CRLF2: variants seen among roughly 807,000 people sequenced by gnomAD.
CRLF2 encodes cytokine receptor-like factor 2.
Under a neutral mutation model 38.7 loss-of-function variants are expected in CRLF2, and 41 were observed. The ratio of observed to expected loss-of-function variants is 1.06; its 90% CI spans 0.83 to 1.37. The LOEUF (loss-of-function observed/expected upper bound fraction) is 1.37. Among genes scored for constraint, CRLF2 ranks in the 40% most tolerant of loss-of-function variants. CRLF2 has a pLI of 0.00. For missense variants in CRLF2, 377 were observed against 322.2 expected (o/e 1.17, Z -1.30); for synonymous variants, 140 against 128.8 (o/e 1.09, Z -0.59).
Position 1,202,457 on chromosome X carries a change from T to C in CRLF2, c.428A>G (p.Tyr143Cys). The change falls in exon 4 of 8, where the codon TAC (tyrosine) becomes TGC (cysteine). Residue 143 changes from tyrosine to cysteine, a missense_variant. Tyr to Cys is a radical substitution (Grantham distance 194). Coordinates refer to ENST00000400841, the MANE Select transcript of CRLF2 (RefSeq NM_022148.4). ...AVTVTCSDLS[Y>C]GDLLYEVQYR... ...CTGAACCTCATAGAGGAGATCCCCG[T>C]AGGACAGGTCAGAACACGTCACCGT... 6.2e-7 allele frequency: 1 copy of C among 1,613,662 alleles called. No homozygotes were observed. Among genetic ancestry groups the C allele is most frequent in the Non-Finnish European group, 8.5e-7 (1 of 1,179,660 alleles).
chrX:1,192,834 G>C (rs1377243017), intron 7 of CRLF2, among the ~76,000 whole-genome samples: 1 of 113,612 alleles, frequency 8.8e-6, no homozygotes, highest in African/African-American at 3.4e-5. Context: ...TTTTTTTCTT[G>C]ACAGAGTCTC....
In CRLF2 at chrX:1,211,721, G is replaced by GTGGA. The variant is rs1225291856; in HGVS notation, c.79+831_79+834dup. Among the ~76,000 whole-genome samples, 9 of 88,050 alleles carry GTGGA rather than the reference G, an allele frequency of 1.0e-4. 1 individual carries two copies. The highest frequency in any genetic ancestry group is 3.1e-4 in the East Asian group (1 of 3,256). The allele number at this position is 88,050 out of a possible 152,430, so 57.8% of individuals were successfully genotyped here. On this transcript the variant is annotated intron_variant, in intron 1 of 7. Transcript: ENST00000400841. ...TATTGGTGGATGGATGGGTGGATGG[G>GTGGA]TGGATGGATGGATGGATGGATGGAT...
intron 2 of CRLF2, among the ~76,000 whole-genome samples, chrX:1,208,284 T>C (rs1458071279): frequency 2.0e-5 from 3 of 152,002 alleles, no homozygotes; most frequent in African/African-American, 7.3e-5. Flanking sequence ...TCAGTCCGGA[T>C]GCCGTGGCTC....
intron 1 of CRLF2, among the ~76,000 whole-genome samples, chrX:1,210,058 CGT>C (rs1569473601): frequency 6.8e-6 from 1 of 147,228 alleles, no homozygotes; most frequent in African/African-American, 2.5e-5. Flanking sequence ...GAACCGAGAT[CGT>C]GTCACTGCAC....
intron 5 of CRLF2, among the ~76,000 whole-genome samples, chrX:1,197,982 C>G (rs1300401246): frequency 1.3e-5 from 2 of 151,978 alleles, no homozygotes; most frequent in East Asian, 3.9e-4. Flanking sequence ...AGCCTGGGCA[C>G]CATGAGAATG....
chrX:1,198,850 C>T lies in CRLF2; in HGVS notation c.484-126G>A, dbSNP rs2086550029. 6 of 963,412 alleles carry T rather than the reference C, an allele frequency of 6.2e-6. No individual in the cohort carries two copies. The South Asian group carries it at 7.9e-5, about 13-fold the overall frequency. 59.7% of individuals were successfully genotyped at this position (963,412 alleles called of 1,614,324 possible). A position where few individuals can be genotyped will look rare whatever the true frequency, so the allele number is the denominator to read the frequency against. On this transcript the variant is annotated intron_variant, in intron 4 of 7. Coordinates refer to ENST00000400841, the MANE Select transcript of CRLF2 (RefSeq NM_022148.4). Reference sequence around the variant, plus strand: ...GGAGGGTTCACAGTCTCGCTGACTTCAAGAATGGAGCCGCGAGGCCGGACA... The same window carrying T: ...GGAGGGTTCACAGTCTCGCTGACTTTAAGAATGGAGCCGCGAGGCCGGACA...
rs2086625694 is a variant in CRLF2, at chrX:1,202,480, C to T, written c.405G>A (p.Thr135=). The T allele has an allele frequency of 2.5e-6, 4 of 1,613,644 alleles. No individual in the cohort carries two copies. Among genetic ancestry groups the T allele is most frequent in the Non-Finnish European group, 3.4e-6 (4 of 1,179,638 alleles). Reference sequence around the variant, plus strand: ...CGTAGGACAGGTCAGAACACGTCACCGTCACTGCATCCTGATGCCACGAAA... The same window carrying T: ...CGTAGGACAGGTCAGAACACGTCACTGTCACTGCATCCTGATGCCACGAAA... ...VRFSWHQDAV[T]VTCSDLSYGD... is the part of the protein sequence containing the mutation. Residue 135 remains threonine, a synonymous_variant, in exon 4 of 8, where the codon ACG becomes ACA. Transcript: ENST00000400841.
intron 6 of CRLF2, among the ~76,000 whole-genome samples, chrX:1,193,939 C>T (rs1325556754): frequency 6.6e-6 from 1 of 151,638 alleles, no homozygotes; most frequent in East Asian, 1.9e-4. Context: ...CCAGCTGGGG[C>T]AACAGAGCGA....
At chrX:1,192,744 CTTTCTTTCTTTCT>C in intron 7 of CRLF2, among the ~76,000 whole-genome samples, 2 of 116,942 alleles carry the variant, frequency 1.7e-5, no homozygotes, top group Non-Finnish European at 3.6e-5. Context: ...TTCTTTCTTT[CTTTCTTTCTTTCT>C]TTCTTTCTTT....
intron 7 of CRLF2, among the ~76,000 whole-genome samples, chrX:1,192,012 C>T (rs1266036109): frequency 0.13 from 18,755 of 142,978 alleles, 1,637 homozygotes; most frequent in African/African-American, 0.23. Context: ...GAGACCATCC[C>T]GACTAACATG....
chrX:1,205,016 G>T (rs1232975407), intron 3 of CRLF2, among the ~76,000 whole-genome samples: 1 of 151,166 alleles, frequency 6.6e-6, no homozygotes, highest in Non-Finnish European at 1.5e-5. Context: ...TTGTAGAGAT[G>T]GGGTTTCACC....
chrX:1,198,975 C>A, intron 4 of CRLF2: 1 of 543,244 alleles, frequency 1.8e-6, no homozygotes, highest in Non-Finnish European at 3.3e-6. Context: ...ATGGAGAAAC[C>A]CCGTCTCTAC....
At chrX:1,205,838 C>T (rs1359930244) in intron 3 of CRLF2, among the ~76,000 whole-genome samples, 2 of 151,102 alleles carry the variant, frequency 1.3e-5, no homozygotes, top group Admixed American at 6.6e-5. Context: ...CATGAGCTTG[C>T]TTTATCAGTA....
At chrX:1,205,117 G>A (rs1192804314) in intron 3 of CRLF2, among the ~76,000 whole-genome samples, 1 of 152,090 alleles carries the variant, frequency 6.6e-6, no homozygotes, top group East Asian at 1.9e-4. Flanking sequence ...GTGAGCCACC[G>A]CGCCCCGCCT....
intron 7 of CRLF2, among the ~76,000 whole-genome samples, chrX:1,192,508 C>G (rs2086402382): frequency 6.6e-6 from 1 of 150,560 alleles, no homozygotes; most frequent in African/African-American, 2.4e-5. Flanking sequence ...CCCAGCTACT[C>G]AGGAGGCTGA....
intron 6 of CRLF2, among the ~76,000 whole-genome samples, chrX:1,194,497 C>G (rs1485373457): frequency 6.6e-6 from 1 of 151,914 alleles, no homozygotes; most frequent in Non-Finnish European, 1.5e-5. Flanking sequence ...TAAGGTGTGA[C>G]GGACAGTGAG....
At chrX:1,202,681 T>C (rs867865003) in intron 3 of CRLF2, 146 bp from the exon 4 acceptor site, 12 of 909,690 alleles carry the variant, frequency 1.3e-5, no homozygotes, top group Non-Finnish European at 1.9e-5. Context: ...ATTACTTTTA[T>C]AGGAGAAGCT....
intron 3 of CRLF2, 26 bp from the exon 4 acceptor site, chrX:1,202,561 A>G: frequency 6.2e-7 from 1 of 1,613,620 alleles, no homozygotes; most frequent in East Asian, 2.2e-5. Flanking sequence ...AACGGAAGCG[A>G]CGTCCCTCCT....
At chrX:1,211,705 ATGGATGGG>A (rs1197751302) in intron 1 of CRLF2, among the ~76,000 whole-genome samples, 1 of 115,544 alleles carries the variant, frequency 8.7e-6, no homozygotes, top group Non-Finnish European at 1.7e-5. Flanking sequence ...GTATTGGTGG[ATGGATGGG>A]TGGATGGGTG....
Sources: gnomAD v4.1 joint callset for allele counts (sites outside exome capture counted in the v4.1 genomes callset) on GRCh38, gnomAD v4.1.1 for gene constraint, MANE v1.5 for transcripts, NCBI Gene and HGNC (gene_info 2026-07-23, HGNC 2026-07-21) for gene names.